The following CCNI variants were observed in gnomAD, a reference collection of about 807,000 sequenced individuals.
CCNI encodes cyclin I.
In CCNI, 14 loss-of-function variants were observed where a neutral mutation model predicts 34.1. The observed-to-expected ratio is 0.41, with a 90% CI of 0.27 to 0.64. The LOEUF (loss-of-function observed/expected upper bound fraction) is 0.64. Among genes scored for constraint, CCNI ranks in the 30% least tolerant of loss-of-function variants. CCNI has a pLI of 0.31. For missense variants in CCNI, 385 were observed against 440.5 expected, an observed-to-expected ratio of 0.87 and a Z score of 1.13; for synonymous variants, 154 against 158.4, an observed-to-expected ratio of 0.97 and a Z score of 0.21.
chr4:77,069,638 G>A (rs921550739), intron 1 of CCNI, among the ~76,000 whole-genome samples: 3 of 123,792 alleles, frequency 2.4e-5, no homozygotes, highest in African/African-American at 9.7e-5. Flanking sequence ...CCCTTCCTGT[G>A]TCCAAGTGTC....
At chr4:77,062,218 G>GTACC (rs1342584841) in intron 2 of CCNI, among the ~76,000 whole-genome samples, 1 of 152,132 alleles carries the variant, frequency 6.6e-6, no homozygotes, top group East Asian at 1.9e-4. Context: ...GTTGGGCTGA[G>GTACC]TACCTTCCTA....
chr4:77,061,847 T>A (rs1728627931), intron 2 of CCNI, among the ~76,000 whole-genome samples: 1 of 152,090 alleles, frequency 6.6e-6, no homozygotes, highest in Non-Finnish European at 1.5e-5. Flanking sequence ...TTTTTTGTAT[T>A]TTTAGTAGAG....
intron 1 of CCNI, among the ~76,000 whole-genome samples, chr4:77,074,516 G>A (rs968047853): frequency 4.6e-5 from 7 of 152,166 alleles, no homozygotes; most frequent in African/African-American, 1.7e-4. Flanking sequence ...TCTGGCTACT[G>A]GGTTTTAGCC....
chr4:77,064,058 A>C (rs891756099), intron 2 of CCNI, among the ~76,000 whole-genome samples: 1 of 152,082 alleles, frequency 6.6e-6, no homozygotes, highest in African/African-American at 2.4e-5. Flanking sequence ...CTCGGCCAAC[A>C]TGGTGAAACC....
At position 77,055,131 on chromosome 4, in the gene CCNI, T is replaced by G; in HGVS notation, c.690+19A>C. On this transcript the variant is annotated intron_variant, in intron 6 of 6. Coordinates refer to ENST00000237654, the MANE Select transcript of CCNI (RefSeq NM_006835.3). ...AGAAAAACTTAAAAAGAACACTATT[T>G]AATTAGACTGACACCTACCTGTGCT... is the stretch of plus-strand genomic sequence containing the variant. 1 of 1,514,820 alleles carries G rather than the reference T, an allele frequency of 6.6e-7. No homozygotes were observed. The highest frequency in any genetic ancestry group is 1.7e-5 in the Admixed American group (1 of 59,610). 93.8% of individuals were successfully genotyped at this position (1,514,820 alleles called of 1,614,324 possible).
intron 1 of CCNI, among the ~76,000 whole-genome samples, chr4:77,073,288 G>A (rs1050011162): frequency 2.0e-5 from 3 of 152,136 alleles, no homozygotes; most frequent in East Asian, 1.9e-4. Context: ...AATGTCTGAG[G>A]TAATAGTTTA....
chr4:77,072,657 A>AG (rs752779825), intron 1 of CCNI, among the ~76,000 whole-genome samples: 3,745 of 146,406 alleles, frequency 0.026, 59 homozygotes, highest in East Asian at 0.067. Context: ...AAAAAAAAAA[A>AG]AAAAGAAAAG....
At chr4:77,067,443 G>C (rs1030548715) in intron 1 of CCNI, among the ~76,000 whole-genome samples, 1 of 152,112 alleles carries the variant, frequency 6.6e-6, no homozygotes, top group African/African-American at 2.4e-5. Flanking sequence ...TAAATAGCAA[G>C]TTTAGCAGTG....
At chr4:77,064,245 C>CAA (rs34789250) in intron 2 of CCNI, among the ~76,000 whole-genome samples, 6 of 128,130 alleles carry the variant, frequency 4.7e-5, no homozygotes, top group South Asian at 2.4e-4. Context: ...AACTCCTTCT[C>CAA]AAAAAAAAAA....
Position 77,075,792 on chromosome 4 carries a change from C to T in CCNI, c.-364G>A. 1 of 122,310 alleles carries T rather than the reference C, an allele frequency of 8.2e-6. No individual in the cohort carries two copies. The highest frequency in any genetic ancestry group is 1.6e-5 in the Non-Finnish European group (1 of 60,814). 7.6% of individuals were successfully genotyped at this position (122,310 alleles called of 1,614,324 possible). A position where few individuals can be genotyped will look rare whatever the true frequency, so the allele number is the denominator to read the frequency against. ...GGGGCTCCCTCTCGCCATAGGGCGGCGGGGGCCGGGGAGAGGCGGGGGGTG... is the reference window on the plus strand; with the variant it reads ...GGGGCTCCCTCTCGCCATAGGGCGGTGGGGGCCGGGGAGAGGCGGGGGGTG... On this transcript the variant is annotated 5_prime_UTR_variant, in exon 1 of 7. Transcript: ENST00000237654.
At chr4:77,075,372 C>T in intron 1 of CCNI, 100 bp downstream of exon 1, 1 of 334,728 alleles carries the variant, frequency 3.0e-6, no homozygotes, top group Non-Finnish European at 4.2e-6. Context: ...CGGCCAAGGG[C>T]GCTGCCACGG....
In CCNI at chr4:77,058,573, G is replaced by C. The variant is rs760203939; in HGVS notation, c.177C>G (p.Phe59Leu). 6 of 1,612,868 alleles carry C rather than the reference G, an allele frequency of 3.7e-6. No individual in the cohort carries two copies. The highest frequency in any genetic ancestry group is 5.1e-6 in the Non-Finnish European group (6 of 1,179,040). The stretch of plus-strand genomic sequence containing the variant: ...GAGCAAATGTTTCTGGGTAAAGGTT[G>C]AATTGGTACTTGAGTTTGGCCAGCC... The part of the protein sequence containing the change: ...IQWLAKLKYQ[F>L]NLYPETFALA... The change falls in exon 3 of 7, where the codon TTC (phenylalanine) becomes TTG (leucine). Residue 59 changes from phenylalanine to leucine, a missense_variant. Phe to Leu is a conservative substitution (Grantham distance 22). Coordinates refer to ENST00000237654, the MANE Select transcript of CCNI (RefSeq NM_006835.3).
At chr4:77,048,756 T>C (rs1727627788) in intron 6 of CCNI, 94 bp from the exon 7 acceptor site, 1 of 856,458 alleles carries the variant, frequency 1.2e-6, no homozygotes. Context: ...CTCCCTGTGC[T>C]TTCCGTCCCC....
chr4:77,067,666 G>GTT (rs199569328), intron 1 of CCNI, among the ~76,000 whole-genome samples: 48 of 139,428 alleles, frequency 3.4e-4, no homozygotes, highest in African/African-American at 1.0e-3. Flanking sequence ...AATTTTGTGG[G>GTT]GTTTTTTTTT....
chr4:77,054,491 C>G (rs986907839), intron 6 of CCNI, among the ~76,000 whole-genome samples: 1 of 152,152 alleles, frequency 6.6e-6, no homozygotes, highest in Admixed American at 6.6e-5. Context: ...AACCAGTAAG[C>G]CTTCTCTCAA....
At chr4:77,071,841 AAAAG>A (rs796135695) in intron 1 of CCNI, among the ~76,000 whole-genome samples, 31 of 152,308 alleles carry the variant, frequency 2.0e-4, no homozygotes, top group African/African-American at 5.8e-4. Context: ...AAAACAGAAA[AAAAG>A]AAAGAAAGAA....
chr4:77,055,872 G>A, intron 5 of CCNI, 90 bp downstream of exon 5: 5 of 1,086,906 alleles, frequency 4.6e-6, no homozygotes, highest in Non-Finnish European at 6.6e-6. Flanking sequence ...CCTATTTCCA[G>A]TACAAAATAA....
chr4:77,074,047 G>A (rs1463804071), intron 1 of CCNI, among the ~76,000 whole-genome samples: 3 of 152,024 alleles, frequency 2.0e-5, no homozygotes, highest in Non-Finnish European at 4.4e-5. Flanking sequence ...CAGCCATAAA[G>A]CCCATTTTAA....
Position 77,048,085 on chromosome 4 carries a change from TA to T in CCNI, c.*133del. 1 of 584,536 alleles carries T rather than the reference TA, an allele frequency of 1.7e-6. No individual in the cohort carries two copies. The highest frequency in any genetic ancestry group is 2.9e-6 in the Non-Finnish European group (1 of 339,874). The allele number at this position is 584,536 out of a possible 1,614,324, so 36.2% of individuals were successfully genotyped here. On this transcript the variant is annotated 3_prime_UTR_variant, in exon 7 of 7. Transcript: ENST00000237654. ...TTAGCCACACAAATAATGAGAGTTT[TA>T]TTTTTTTTTTCTGGCTCACTCCAAA...
Sources: gnomAD v4.1 joint callset for allele counts (sites outside exome capture counted in the v4.1 genomes callset) on GRCh38, gnomAD v4.1.1 for gene constraint, MANE v1.5 for transcripts, NCBI Gene and HGNC (gene_info 2026-07-23, HGNC 2026-07-21) for gene names.